DYRK1B: variants seen among roughly 807,000 people sequenced by gnomAD.
DYRK1B encodes the protein dual specificity tyrosine-phosphorylation-regulated kinase 1B.
Under a neutral mutation model 57.1 loss-of-function variants are expected in DYRK1B, and 20 were observed. The observed-to-expected ratio is 0.35, with a 90% CI of 0.25 to 0.51. The LOEUF is 0.51. Ranked by LOEUF, DYRK1B falls within the 20% of genes least tolerant of loss-of-function variation. The pLI, the probability that DYRK1B is intolerant of heterozygous loss-of-function variation, is 0.96. For missense variants in DYRK1B, 732 were observed against 886.3 expected, an observed-to-expected ratio of 0.83 and a Z score of 2.21; for synonymous variants, 409 against 384.7, an observed-to-expected ratio of 1.06 and a Z score of -0.74.
At chr19:39,827,744 G>A (rs1968607582) in intron 6 of DYRK1B, 88 bp from the exon 7 acceptor site, 1 of 1,493,546 alleles carries the variant, frequency 6.7e-7, no homozygotes, top group Non-Finnish European at 9.0e-7. Context: ...ACTGAGGACA[G>A]GCTTCTTGCT....
rs769156048 is a variant in DYRK1B at position 39,831,878 on chromosome 19, G to A, written c.-11C>T. 3 of 1,490,362 alleles carry A rather than the reference G, an allele frequency of 2.0e-6. No homozygotes were observed. The highest frequency in any genetic ancestry group is 2.7e-6 in the Non-Finnish European group (3 of 1,116,746). The allele number at this position is 1,490,362 out of a possible 1,614,324, so 92.3% of individuals were successfully genotyped here. ...CGGTGGGACGGCCATGGTGGGCTCAGAGGGCCGCAGGGGAGCGAGGCCTGG... is the reference window on the plus strand; with the variant it reads ...CGGTGGGACGGCCATGGTGGGCTCAAAGGGCCGCAGGGGAGCGAGGCCTGG... On this transcript the variant is annotated 5_prime_UTR_variant, in exon 2 of 11. Transcript: ENST00000323039.
intron 3 of DYRK1B, 35 bp from the exon 4 acceptor site, chr19:39,830,598 TG>T (rs1470091610): frequency 1.9e-6 from 3 of 1,613,766 alleles, no homozygotes; most frequent in Non-Finnish European, 2.5e-6. Context: ...TGGGGACTGG[TG>T]AGTGACTCAT....
rs1236571086 is a variant in DYRK1B at position 39,828,637 on chromosome 19, G to C, written c.521-54C>G. ...AGAAGAAACGGCTCAGAGAGGGCAG[G>C]TGGTGGCCTGGGGTCATACAACGCT... On this transcript the variant is annotated intron_variant, in intron 5 of 10. Coordinates refer to ENST00000323039, the MANE Select transcript of DYRK1B (RefSeq NM_004714.3). This position sits in a 1 kb window ranked among gnomAD's most constrained non-coding sequence, Gnocchi z 4.3. 3.2e-6 allele frequency: 5 copies of C among 1,549,530 alleles called. No individual in the cohort carries two copies. The highest frequency in any genetic ancestry group is 4.4e-6 in the Non-Finnish European group (5 of 1,140,168).
chr19:39,826,820 G>A lies in DYRK1B; in HGVS notation c.1263C>T (p.Ser421=). Residue 421 remains serine (S), a synonymous_variant, in exon 9 of 11, where the codon AGC becomes AGT. Coordinates refer to ENST00000323039, the MANE Select transcript of DYRK1B (RefSeq NM_004714.3). The surrounding 1 kb of genome is among the most constrained non-coding windows in gnomAD (Gnocchi z 6.3). ...MLEYEPAARI[S]PLGALQHGFF... The stretch of plus-strand genomic sequence containing the variant: ...AGCCGTGCTGCAGAGCCCCCAGGGG[G>A]CTGATGCGGGCGGCGGGCTCATACT... 1.3e-6 allele frequency: 2 copies of A among 1,504,772 alleles called. No individual in the cohort carries two copies. Among genetic ancestry groups the A allele is most frequent in the South Asian group, 1.3e-5 (1 of 78,972 alleles). 93.2% of individuals were successfully genotyped at this position (1,504,772 alleles called of 1,614,324 possible). A position where few individuals can be genotyped will look rare whatever the true frequency, so the allele number is the denominator to read the frequency against.
rs891612130 is a variant in DYRK1B at position 39,834,077 on chromosome 19, G to A, written c.-156C>T. 5.6e-6 allele frequency: 1 copy of A among 177,110 alleles called. No individual in the cohort carries two copies. The highest frequency in any genetic ancestry group is 2.4e-5 in the African/African-American group (1 of 41,936). 11.0% of individuals were successfully genotyped at this position (177,110 alleles called of 1,614,324 possible). The stretch of plus-strand genomic sequence containing the variant: ...GCTCGGGGAGCCCGAGCTCAGACCT[G>A]CCCACTGGCTGAGGGTATCCGGCGG... On this transcript the variant is annotated 5_prime_UTR_variant, in exon 1 of 11. Transcript: ENST00000323039.
At position 39,828,479 on chromosome 19, in the gene DYRK1B, C is replaced by T. The variant is rs556237495; in HGVS notation, c.625G>A (p.Val209Ile). Residue 209 changes from valine to isoleucine, a missense_variant, in exon 6 of 11, where the codon GTC (valine) becomes ATC (isoleucine). Val to Ile is a conservative substitution (Grantham distance 29). Transcript: ENST00000323039. The surrounding 1 kb of genome is among the most constrained non-coding windows in gnomAD (Gnocchi z 4.3). ...DLLRNTHFRGVSLNLTRKLAQ... is the reference protein window; with the variant it reads ...DLLRNTHFRGISLNLTRKLAQ... The stretch of plus-strand genomic sequence containing the variant: ...AGCTTCCGGGTCAGGTTCAGCGAGA[C>T]GCCGCGGAAGTGGGTGTTGCGCAGG... The T allele has an allele frequency of 6.8e-6, 11 of 1,613,614 alleles. No homozygotes were observed. Among genetic ancestry groups the T allele is most frequent in the Admixed American group, 3.3e-5 (2 of 59,906 alleles).
chr19:39,827,349 C>G lies in DYRK1B; in HGVS notation c.1031G>C (p.Arg344Pro), dbSNP rs374201026. The G allele has an allele frequency of 2.5e-6, 4 of 1,613,724 alleles. No homozygotes were observed. The highest frequency in any genetic ancestry group is 3.4e-6 in the Non-Finnish European group (4 of 1,179,824). The change falls in exon 8 of 11, where the codon CGC (arginine) becomes CCC (proline). Residue 344 changes from arginine (R) to proline (P), a missense_variant. Around this residue, in one of 2 missense-constraint regions of DYRK1B, gnomAD observed 510 missense variants for 681.3 expected, o/e 0.75. Transcript: ENST00000323039. ...AAMLDQAPKA[R>P]KYFERLPGGG... is the part of the protein sequence containing the mutation. ...CCCAGGCAGCCGTTCAAAGTACTTG[C>G]GAGCCTTGGGCGCCTGGTCCAGCAT... is the stretch of plus-strand genomic sequence containing the variant.
chr19:39,827,174 G>A (rs1968579857), intron 8 of DYRK1B, 111 bp downstream of exon 8: 1 of 1,392,058 alleles, frequency 7.2e-7, no homozygotes, highest in East Asian at 2.5e-5. Flanking sequence ...GACAGACAAG[G>A]GGGAGTGGAA....
chr19:39,828,327 G>A lies in DYRK1B; in HGVS notation c.777C>T (p.Asp259=). ...GGCCAAGCTGGCAGGAGCTGCCGAA[G>A]TCCACAATCTTGATGGCGCTGCGCT... ...NPKRSAIKIV[D]FGSSCQLGQR... The change falls in exon 6 of 11, where the codon GAC becomes GAT. Residue 259 remains aspartate, a synonymous_variant. Coordinates refer to ENST00000323039, the MANE Select transcript of DYRK1B (RefSeq NM_004714.3). This position sits in a 1 kb window ranked among gnomAD's most constrained non-coding sequence, Gnocchi z 4.3. The A allele has an allele frequency of 6.2e-7, 1 of 1,614,206 alleles. No homozygotes were observed. Among genetic ancestry groups the A allele is most frequent in the Non-Finnish European group, 8.5e-7 (1 of 1,180,048 alleles).
In DYRK1B at chr19:39,826,939, G is replaced by A; in HGVS notation, c.1144C>T (p.Gln382Ter). ...CGCCGGCCCCCGGGCCCGCCCGTCT[G>A]CACGCCCAGCACCTCCTGCAGCCGC... ...TRRLQEVLGV[Q>*]TGGPGGRRAG... The change falls in exon 9 of 11, where the codon CAG (glutamine) becomes TAG (stop). Residue 382 changes from glutamine (Q) to a stop codon, truncating the protein, a stop_gained. Transcript: ENST00000323039. LOFTEE classifies it high-confidence loss of function. The surrounding 1 kb of genome is among the most constrained non-coding windows in gnomAD (Gnocchi z 6.3). The A allele has an allele frequency of 1.7e-6, 2 of 1,201,908 alleles. No individual in the cohort carries two copies. The highest frequency in any genetic ancestry group is 3.7e-5 in the Admixed American group (1 of 27,356). 74.5% of individuals were successfully genotyped at this position (1,201,908 alleles called of 1,614,324 possible). A position where few individuals can be genotyped will look rare whatever the true frequency, so the allele number is the denominator to read the frequency against.
At position 39,827,005 on chromosome 19, in the gene DYRK1B, G is replaced by T. The variant is rs1306557825; in HGVS notation, c.1096-18C>A. ...TGGTAATCCTGGCAGGGAGGGGGTG[G>T]GAGGGGGGGCAAGAGAGTGGCCGTC... On this transcript the variant is annotated intron_variant, in intron 8 of 10. Coordinates refer to ENST00000323039, the MANE Select transcript of DYRK1B (RefSeq NM_004714.3). The T allele has an allele frequency of 2.1e-6, 3 of 1,400,996 alleles. No homozygotes were observed. Among genetic ancestry groups the T allele is most frequent in the Non-Finnish European group, 2.8e-6 (3 of 1,073,636 alleles). 86.8% of individuals were successfully genotyped at this position (1,400,996 alleles called of 1,614,324 possible).
chr19:39,829,591 T>C, intron 5 of DYRK1B: 1 of 294,392 alleles, frequency 3.4e-6, no homozygotes, highest in East Asian at 6.0e-5. Flanking sequence ...CTTCAAGATG[T>C]TGTTAATAAT....
Position 39,830,524 on chromosome 19 carries a change from G to T in DYRK1B, c.223C>A (p.Pro75Thr). The T allele has an allele frequency of 6.2e-7, 1 of 1,614,086 alleles. No homozygotes were observed. Reference protein sequence around the residue: ...AKKKRRAQQAPPQDSSNKKEK... With the variant: ...AKKKRRAQQATPQDSSNKKEK... ...TTCTTGTTGCTCGAATCCTGGGGTG[G>T]CGCCTGCTGGGCCCGCCGCTTCTTC... The change falls in exon 4 of 11, where the codon CCA (proline) becomes ACA (threonine). Residue 75 changes from proline to threonine, a missense_variant. Physicochemically the swap from Pro to Thr is conservative, Grantham distance 38. Around this residue, in one of 2 missense-constraint regions of DYRK1B, gnomAD observed 510 missense variants for 681.3 expected, o/e 0.75. Coordinates refer to ENST00000323039, the MANE Select transcript of DYRK1B (RefSeq NM_004714.3).
Position 39,827,083 on chromosome 19 carries a change from G to A in DYRK1B, c.1096-96C>T, listed in dbSNP as rs568533692. 114 of 1,190,262 alleles carry A rather than the reference G, an allele frequency of 9.6e-5. No individual in the cohort carries two copies. The Middle Eastern group carries it at 2.1e-3, about 22-fold the overall frequency. The allele number at this position is 1,190,262 out of a possible 1,614,324, so 73.7% of individuals were successfully genotyped here. On this transcript the variant is annotated intron_variant, in intron 8 of 10. Transcript: ENST00000323039. Reference sequence around the variant, plus strand: ...CACGGGGAAACAGAGGCACAAGAGAGAAAGTGGAAAGAAAAGCTAAGAAGA... The same window carrying A: ...CACGGGGAAACAGAGGCACAAGAGAAAAAGTGGAAAGAAAAGCTAAGAAGA...
At position 39,828,151 on chromosome 19, in the gene DYRK1B, T is replaced by C; in HGVS notation, c.807+146A>G. The C allele has an allele frequency of 1.1e-6, 1 of 924,486 alleles. No homozygotes were observed. Among genetic ancestry groups the C allele is most frequent in the Non-Finnish European group, 1.6e-6 (1 of 628,632 alleles). The allele number at this position is 924,486 out of a possible 1,614,324, so 57.3% of individuals were successfully genotyped here. ...ACCCTTCCCATCCTAGTGGGCAGTA[T>C]ATTCACACCCCCACCCCAAGCATTA... On this transcript the variant is annotated intron_variant, in intron 6 of 10. Transcript: ENST00000323039. This position sits in a 1 kb window ranked among gnomAD's most constrained non-coding sequence, Gnocchi z 4.3.
Position 39,829,983 on chromosome 19 carries a change from G to C in DYRK1B, c.417C>G (p.Ile139Met). The change falls in exon 5 of 11, where the codon ATC (isoleucine) becomes ATG (methionine). Residue 139 changes from isoleucine (I) to methionine (M), a missense_variant. Around this residue, in one of 2 missense-constraint regions of DYRK1B, gnomAD observed 510 missense variants for 681.3 expected, o/e 0.75. Transcript: ENST00000323039. ...YDHQTQELVA[I>M]KIIKNKKAFL... ...AAGCCTTTTTGTTCTTGATGATCTT[G>C]ATGGCCACAAGCTCCTGGGTCTGAT... The C allele has an allele frequency of 1.2e-6, 2 of 1,614,082 alleles. No homozygotes were observed. Among genetic ancestry groups the C allele is most frequent in the Non-Finnish European group, 1.7e-6 (2 of 1,180,018 alleles).
rs1867360465 is a variant in DYRK1B at position 39,825,639 on chromosome 19, A to G, written c.*76T>C. On this transcript the variant is annotated 3_prime_UTR_variant, in exon 11 of 11. Coordinates refer to ENST00000323039, the MANE Select transcript of DYRK1B (RefSeq NM_004714.3). ...TAGCAGCAATTCCAGTCAAGGAGAG[A>G]GATGAGGATGGGAGCCCAGGGCCCC... The G allele has an allele frequency of 1.4e-6, 2 of 1,425,798 alleles. No homozygotes were observed. The highest frequency in any genetic ancestry group is 2.8e-5 in the African/African-American group (2 of 70,960). The allele number at this position is 1,425,798 out of a possible 1,614,324, so 88.3% of individuals were successfully genotyped here. A position where few individuals can be genotyped will look rare whatever the true frequency, so the allele number is the denominator to read the frequency against.
In DYRK1B at chr19:39,828,712, T is replaced by A; in HGVS notation, c.521-129A>T. 3 of 943,444 alleles carry A rather than the reference T, an allele frequency of 3.2e-6. No homozygotes were observed. The highest frequency in any genetic ancestry group is 4.7e-6 in the Non-Finnish European group (3 of 637,190). The allele number at this position is 943,444 out of a possible 1,614,324, so 58.4% of individuals were successfully genotyped here. A position where few individuals can be genotyped will look rare whatever the true frequency, so the allele number is the denominator to read the frequency against. On this transcript the variant is annotated intron_variant, in intron 5 of 10. Transcript: ENST00000323039. This position sits in a 1 kb window ranked among gnomAD's most constrained non-coding sequence, Gnocchi z 4.3. ...TGTCCCCACGGGTACCATCTGCTAGTCAAAATCTTTTTATCTAACAACTAG... is the reference window on the plus strand; with the variant it reads ...TGTCCCCACGGGTACCATCTGCTAGACAAAATCTTTTTATCTAACAACTAG...
At position 39,827,649 on chromosome 19, in the gene DYRK1B, T is replaced by C. The variant is rs760814474; in HGVS notation, c.815A>G (p.Gln272Arg). Residue 272 changes from glutamine (Q) to arginine (R), a missense_variant, in exon 7 of 11, where the codon CAG (glutamine) becomes CGG (arginine). Physicochemically the swap from Gln to Arg is conservative, Grantham distance 43. Around this residue, in one of 2 missense-constraint regions of DYRK1B, gnomAD observed 510 missense variants for 681.3 expected, o/e 0.75. Transcript: ENST00000323039. ...SSCQLGQRIY[Q>R]YIQSRFYRSP... ...GCGGTAGAAGCGGCTCTGGATATAC[T>C]GGTAGATCTGGGAAAAGGGTAATCG... 10 of 1,613,376 alleles carry C rather than the reference T, an allele frequency of 6.2e-6. No homozygotes were observed. In the East Asian group the frequency reaches 2.0e-4, roughly 32 times the overall value.
Sources: gnomAD v4.1 joint callset for allele counts on GRCh38, gnomAD v4.1.1 for gene constraint, gnomAD v4.1.1 regional missense constraint, Gnocchi (gnomAD v3.1) non-coding constraint, MANE v1.5 for transcripts, NCBI Gene and HGNC (gene_info 2026-07-23, HGNC 2026-07-21) for gene names.